The following RNF170 variants were observed in gnomAD, a reference collection of about 807,000 sequenced individuals.
The protein encoded by RNF170 is E3 ubiquitin-protein ligase RNF170.
In RNF170, 12 loss-of-function variants were observed where a neutral mutation model predicts 32.7. That is an observed-to-expected ratio of 0.37 (90% confidence interval 0.24 to 0.60). The LOEUF is 0.60. Ranked by LOEUF, RNF170 falls within the 20% of genes least tolerant of loss-of-function variation. The pLI is 0.72. For synonymous variants in RNF170, 91 were observed against 103.6 expected, an observed-to-expected ratio of 0.88 and a Z score of 0.74; for missense variants, 212 against 311.2, an observed-to-expected ratio of 0.68 and a Z score of 2.40.
intron 6 of RNF170, among the ~76,000 whole-genome samples, chr8:42,858,962 C>G (rs1208140942): frequency 6.6e-6 from 1 of 151,954 alleles, no homozygotes; most frequent in Admixed American, 6.6e-5. Context: ...GTGGGAGGAC[C>G]ACTTGAGCCC....
chr8:42,872,115 G>A (rs959247978), intron 3 of RNF170, among the ~76,000 whole-genome samples: 19 of 152,134 alleles, frequency 1.2e-4, no homozygotes, highest in Non-Finnish European at 1.8e-4. Flanking sequence ...AGACTACATC[G>A]CCAGCCTTAT....
Position 42,855,674 on chromosome 8 carries a change from G to T in RNF170, c.*485C>A. On this transcript the variant is annotated 3_prime_UTR_variant, in exon 7 of 7. Transcript: ENST00000527424. ...AACTGCTCCAAATGCACAAAACTTA[G>T]CTAGCACTAAAAGAAATACTGAATT... 1 of 1,282,710 alleles carries T rather than the reference G, an allele frequency of 7.8e-7. No homozygotes were observed. The highest frequency in any genetic ancestry group is 1.0e-6 in the Non-Finnish European group (1 of 986,374). 79.5% of individuals were successfully genotyped at this position (1,282,710 alleles called of 1,614,324 possible).
At chr8:42,865,683 T>A (rs1010892742) in intron 4 of RNF170, among the ~76,000 whole-genome samples, 194 bp from the exon 5 acceptor site, 6 of 152,186 alleles carry the variant, frequency 3.9e-5, no homozygotes, top group South Asian at 2.1e-4. Context: ...AAAATTTTTT[T>A]ATTTAAATTC....
intron 5 of RNF170, among the ~76,000 whole-genome samples, 196 bp from the exon 6 acceptor site, chr8:42,862,051 A>AT (rs1308841551): frequency 4.6e-5 from 7 of 152,232 alleles, no homozygotes; most frequent in Non-Finnish European, 8.8e-5. Flanking sequence ...TTGAACTCCT[A>AT]TAAAATAGAC....
rs991047433 is a variant in RNF170, at chr8:42,855,525, A to T, written c.*634T>A. ...CCCGCCCGGCCATGTTTTTCATCTT[A>T]ATTCTTCTATTGATTAAAATGTGTT... On this transcript the variant is annotated 3_prime_UTR_variant, in exon 7 of 7. Coordinates refer to ENST00000527424, the MANE Select transcript of RNF170 (RefSeq NM_030954.4). 3 of 1,282,314 alleles carry T rather than the reference A, an allele frequency of 2.3e-6. No homozygotes were observed. Among genetic ancestry groups the T allele is most frequent in the Non-Finnish European group, 2.0e-6 (2 of 984,196 alleles). 79.4% of individuals were successfully genotyped at this position (1,282,314 alleles called of 1,614,324 possible).
Position 42,865,404 on chromosome 8 carries a change from A to C in RNF170, c.396+12T>G. On this transcript the variant is annotated intron_variant, in intron 5 of 6. Coordinates refer to ENST00000527424, the MANE Select transcript of RNF170 (RefSeq NM_030954.4). ...CTAGCATAAATGATACTTTCTGCAC[A>C]CAAAACATTACCGTTTGTCTACAGA... 1 of 1,603,476 alleles carries C rather than the reference A, an allele frequency of 6.2e-7. No homozygotes were observed. The highest frequency in any genetic ancestry group is 8.5e-7 in the Non-Finnish European group (1 of 1,170,452).
intron 4 of RNF170, among the ~76,000 whole-genome samples, chr8:42,868,912 GTAT>G (rs1036587845): frequency 6.6e-6 from 1 of 151,544 alleles, no homozygotes; most frequent in African/African-American, 2.4e-5. Context: ...TTTGTAAAAT[GTAT>G]TATTATTATT....
At position 42,853,785 on chromosome 8, in the gene RNF170, C is replaced by G; in HGVS notation, c.*2374G>C. 7.8e-7 allele frequency: 1 copy of G among 1,287,206 alleles called. No homozygotes were observed. Among genetic ancestry groups the G allele is most frequent in the East Asian group, 5.5e-5 (1 of 18,028 alleles). The allele number at this position is 1,287,206 out of a possible 1,614,324, so 79.7% of individuals were successfully genotyped here. A position where few individuals can be genotyped will look rare whatever the true frequency, so the allele number is the denominator to read the frequency against. On this transcript the variant is annotated 3_prime_UTR_variant, in exon 7 of 7. Transcript: ENST00000527424. ...GATGACAACAAGCAGGTCTAAAGTT[C>G]TGAGATGTTAGCACATACCCTTTTC...
intron 1 of RNF170, 22 bp downstream of exon 1, chr8:42,896,462 G>A (rs1369100425): frequency 1.3e-5 from 6 of 453,704 alleles, no homozygotes; most frequent in Non-Finnish European, 2.2e-5. Context: ...GGGTGGGCGT[G>A]GCCGCCGCGC....
rs920550511 is a variant in RNF170 at position 42,853,725 on chromosome 8, G to C, written c.*2434C>G. The C allele has an allele frequency of 3.9e-6, 5 of 1,287,044 alleles. No homozygotes were observed. In the Admixed American group the frequency reaches 9.2e-5, roughly 24 times the overall value. 79.7% of individuals were successfully genotyped at this position (1,287,044 alleles called of 1,614,324 possible). On this transcript the variant is annotated 3_prime_UTR_variant, in exon 7 of 7. Transcript: ENST00000527424. Reference sequence around the variant, plus strand: ...ACTCTACTTGCTTTAAAAACTCTCAGATCCCTTCTGCATTTATCATCAGAG... The same window carrying C: ...ACTCTACTTGCTTTAAAAACTCTCACATCCCTTCTGCATTTATCATCAGAG...
chr8:42,869,271 T>G (rs761732792), intron 4 of RNF170, among the ~76,000 whole-genome samples: 1 of 152,196 alleles, frequency 6.6e-6, no homozygotes, highest in Admixed American at 6.5e-5. Context: ...TTAGATGAAG[T>G]ACATTAATGT....
At chr8:42,882,410 A>G (rs1407198926) in intron 2 of RNF170, among the ~76,000 whole-genome samples, 2 of 152,184 alleles carry the variant, frequency 1.3e-5, no homozygotes, top group African/African-American at 4.8e-5. Flanking sequence ...TTTCTTAGAG[A>G]CAAGGTCTTG....
intron 1 of RNF170, among the ~76,000 whole-genome samples, chr8:42,895,477 T>C (rs1806715388): frequency 6.6e-6 from 1 of 152,202 alleles, no homozygotes; most frequent in Non-Finnish European, 1.5e-5. Context: ...AATAAAAATT[T>C]GGCATTGGGT....
chr8:42,896,895 G>T, upstream of RNF170: 1 of 352,886 alleles, frequency 2.8e-6, no homozygotes. Context: ...GGGACGCGGG[G>T]CGGCGGGCGT....
At chr8:42,885,016 T>C (rs1290572510) in intron 2 of RNF170, among the ~76,000 whole-genome samples, 1 of 150,796 alleles carries the variant, frequency 6.6e-6, no homozygotes, top group East Asian at 2.0e-4. Context: ...TTTTTAAAAA[T>C]GCATCTGTGT....
intron 5 of RNF170, among the ~76,000 whole-genome samples, chr8:42,863,980 A>AGAGTGTGTGTGTGTGT (rs149654513): frequency 7.2e-6 from 1 of 139,512 alleles, no homozygotes; most frequent in African/African-American, 2.7e-5. Flanking sequence ...AGAGAGAGAG[A>AGAGTGTGTGTGTGTGT]GTGTGTGTGT....
chr8:42,881,560 C>T (rs1210325077), intron 2 of RNF170: 2 of 152,186 alleles, frequency 1.3e-5, no homozygotes, highest in African/African-American at 4.8e-5. Flanking sequence ...GAATACTACG[C>T]ACCCATAAAA....
At chr8:42,896,137 T>C (rs1428280851) in intron 1 of RNF170, 2 of 211,620 alleles carry the variant, frequency 9.5e-6, no homozygotes, top group Non-Finnish European at 2.0e-5. Flanking sequence ...GGTCGGCCGG[T>C]GTCCTTACGG....
intron 2 of RNF170, among the ~76,000 whole-genome samples, chr8:42,884,959 C>G: frequency 6.6e-6 from 1 of 151,704 alleles, no homozygotes. Flanking sequence ...GCCTCAGCCT[C>G]CCAAAGTGCT....
Sources: gnomAD v4.1 joint callset for allele counts (sites outside exome capture counted in the v4.1 genomes callset) on GRCh38, gnomAD v4.1.1 for gene constraint, MANE v1.5 for transcripts, NCBI Gene and HGNC (gene_info 2026-07-23, HGNC 2026-07-21) for gene names.